Variants in PARP4 observed in about 807,000 individuals in gnomAD.
PARP4 encodes protein mono-ADP-ribosyltransferase PARP4.
A neutral mutation model predicts 187.7 loss-of-function variants in PARP4; 120 were observed. That is an observed-to-expected ratio of 0.64 (90% CI 0.55 to 0.74). PARP4 has a LOEUF of 0.74. Among genes scored for constraint, PARP4 ranks in the 30% least tolerant of loss-of-function variants. The pLI, the probability that PARP4 is intolerant of heterozygous loss-of-function variation, is 0.00. For synonymous variants in PARP4, 654 were observed against 740.9 expected, an observed-to-expected ratio of 0.88 and a Z score of 1.90; for missense variants, 1,836 against 2,070.5, an observed-to-expected ratio of 0.89 and a Z score of 2.20.
At chr13:24,435,501 T>C (rs1369830229) in intron 30 of PARP4, 27 bp from the exon 31 acceptor site, 1 of 1,539,626 alleles carries the variant, frequency 6.5e-7, no homozygotes, top group Non-Finnish European at 8.7e-7. Context: ...ATTATTAACG[T>C]AAGGGGAAAA....
chr13:24,433,459 T>A (rs1456338578), intron 31 of PARP4, among the ~76,000 whole-genome samples: 1 of 152,200 alleles, frequency 6.6e-6, no homozygotes, highest in East Asian at 1.9e-4. Context: ...CCCCAACAAC[T>A]ATTATCACAC....
intron 12 of PARP4, among the ~76,000 whole-genome samples, chr13:24,482,958 AC>A (rs1320049346): frequency 1.3e-5 from 2 of 152,148 alleles, no homozygotes; most frequent in Non-Finnish European, 2.9e-5. Flanking sequence ...GATCCATTCC[AC>A]TGTCGATGGA....
intron 9 of PARP4, among the ~76,000 whole-genome samples, chr13:24,491,740 T>C (rs1483733356): frequency 3.3e-5 from 5 of 150,746 alleles, no homozygotes; most frequent in Non-Finnish European, 7.4e-5. Context: ...GCTTCTCTCC[T>C]GGCAGCTCAG....
chr13:24,500,894 C>G (rs1869237573), intron 3 of PARP4, among the ~76,000 whole-genome samples: 1 of 152,148 alleles, frequency 6.6e-6, no homozygotes, highest in African/African-American at 2.4e-5. Flanking sequence ...TGTCAAGATT[C>G]CAAGGATCAT....
intron 14 of PARP4, among the ~76,000 whole-genome samples, chr13:24,477,260 G>A (rs141945955): frequency 6.0e-4 from 91 of 152,154 alleles, no homozygotes; most frequent in African/African-American, 2.1e-3. Context: ...CAGGAGGATC[G>A]CTTAATGCCA....
At chr13:24,426,105 C>A (rs1056486253) in intron 33 of PARP4, among the ~76,000 whole-genome samples, 16 of 152,086 alleles carry the variant, frequency 1.1e-4, no homozygotes, top group African/African-American at 1.7e-4. Context: ...TATTCTTGTC[C>A]CAGGCCCTGC....
At chr13:24,458,509 C>T (rs2137480635) in intron 20 of PARP4, among the ~76,000 whole-genome samples, 1 of 151,700 alleles carries the variant, frequency 6.6e-6, no homozygotes, top group East Asian at 1.9e-4. Flanking sequence ...CCAAGGAGGT[C>T]AAGGATGAAG....
chr13:24,464,933 TAAACA>T (rs1872381262), intron 17 of PARP4, among the ~76,000 whole-genome samples: 1 of 151,334 alleles, frequency 6.6e-6, no homozygotes, highest in South Asian at 2.1e-4. Context: ...ACAAGGAACT[TAAACA>T]AATTTACAAG....
rs191151841 is a variant in PARP4, at chr13:24,452,659, T to C, written c.2827-66A>G. ...ATGCAGTCACCATTTGCTGTCATCA[T>C]TGACACATCTAAGGACAGTGTAGGG... On this transcript the variant is annotated intron_variant, in intron 23 of 33. Coordinates refer to ENST00000381989, the MANE Select transcript of PARP4 (RefSeq NM_006437.4). 4.1e-4 allele frequency: 527 copies of C among 1,298,178 alleles called. 1 individual carries two copies. In the African/African-American group the frequency reaches 6.7e-3, roughly 16 times the overall value. The allele number at this position is 1,298,178 out of a possible 1,614,324, so 80.4% of individuals were successfully genotyped here.
Position 24,452,547 on chromosome 13 carries a change from C to A in PARP4, c.2873G>T (p.Arg958Leu). ...MGNTDFWKTL[R>L]YLSLLYPARG... ...AGCAGGGTACAATAAGCTAAGATAT[C>A]GGAGTGTTTTCCAGAAGTCTGTGTT... is the stretch of plus-strand genomic sequence containing the variant. Residue 958 changes from arginine to leucine, a missense_variant, in exon 24 of 34, where the codon CGA becomes CTA. Physicochemically the swap from Arg to Leu is moderately radical, Grantham distance 102. Around this residue, in one of 8 missense-constraint regions of PARP4, gnomAD observed 1,147 missense variants for 1,214.2 expected, o/e 0.94. Coordinates refer to ENST00000381989, the MANE Select transcript of PARP4 (RefSeq NM_006437.4). The A allele has an allele frequency of 6.2e-7, 1 of 1,613,986 alleles. No individual in the cohort carries two copies. Among genetic ancestry groups the A allele is most frequent in the Non-Finnish European group, 8.5e-7 (1 of 1,179,928 alleles).
chr13:24,470,145 C>G, intron 15 of PARP4, 120 bp from the exon 16 acceptor site: 1 of 854,704 alleles, frequency 1.2e-6, no homozygotes, highest in Non-Finnish European at 1.7e-6. Context: ...TGTATCACGT[C>G]CCTCAAATTC....
rs1870267241 is a variant in PARP4 at position 24,430,258 on chromosome 13, ACT to A, written c.4846+1117_4846+1118del. 2.0e-5 allele frequency among the ~76,000 whole-genome samples: 3 copies of A among 151,688 alleles called. No homozygotes were observed. In the South Asian group the frequency reaches 6.3e-4, roughly 32 times the overall value. On this transcript the variant is annotated intron_variant, in intron 32 of 33. Transcript: ENST00000381989. ...CACCCACCCAGCCTGGAATATGAAAACTCTGGCATTTTAGAGGTGATGGTGGG... is the reference window on the plus strand; with the variant it reads ...CACCCACCCAGCCTGGAATATGAAAACTGGCATTTTAGAGGTGATGGTGGG...
intron 8 of PARP4, among the ~76,000 whole-genome samples, chr13:24,493,205 C>T (rs1401771195): frequency 6.6e-6 from 1 of 152,168 alleles, no homozygotes; most frequent in Non-Finnish European, 1.5e-5. Context: ...GCCTGCCTTT[C>T]CTAAGACAGA....
intron 27 of PARP4, 73 bp from the exon 28 acceptor site, chr13:24,443,803 T>TA: frequency 1.9e-6 from 2 of 1,045,102 alleles, no homozygotes; most frequent in Non-Finnish European, 3.0e-6. Context: ...AACATCATTT[T>TA]AAAAATGGAG....
chr13:24,454,033 G>A (rs1351416170), intron 22 of PARP4, among the ~76,000 whole-genome samples: 1 of 151,172 alleles, frequency 6.6e-6, no homozygotes, highest in African/African-American at 2.4e-5. Context: ...GGAGGCAGAG[G>A]TTGCAGTGAG....
At chr13:24,423,592 C>T (rs1869865923) in intron 33 of PARP4, among the ~76,000 whole-genome samples, 1 of 151,814 alleles carries the variant, frequency 6.6e-6, no homozygotes, top group Non-Finnish European at 1.5e-5. Flanking sequence ...AATAGAAAAA[C>T]AAAATAAATT....
chr13:24,475,887 T>C (rs1427731207), intron 14 of PARP4, among the ~76,000 whole-genome samples: 8 of 151,942 alleles, frequency 5.3e-5, no homozygotes, highest in Non-Finnish European at 8.8e-5. Context: ...CTGGCTCAGG[T>C]GATCCTCCTG....
rs7338384 is a variant in PARP4, at chr13:24,454,990, G to A, written c.2758+27C>T. ...TGATTCACATGTAGGGGAAGCACAC[G>A]CAGGACCAGGGCCAAAGCGCACTCA... On this transcript the variant is annotated intron_variant, in intron 22 of 33. Transcript: ENST00000381989. 0.2 allele frequency: 307,357 copies of A among 1,529,666 alleles called. 31,904 individuals carry two copies. The highest frequency in any genetic ancestry group is 0.32 in the East Asian group (13,895 of 43,338). 94.8% of individuals were successfully genotyped at this position (1,529,666 alleles called of 1,614,324 possible).
intron 1 of PARP4, among the ~76,000 whole-genome samples, chr13:24,504,409 G>C (rs775446746): frequency 4.1e-5 from 6 of 146,630 alleles, no homozygotes; most frequent in Non-Finnish European, 8.9e-5. Context: ...CGCCTCCCTG[G>C]TTCAAGCGAT....
Sources: allele counts gnomAD v4.1 joint callset (sites outside exome capture counted in the v4.1 genomes callset), GRCh38; gene constraint gnomAD v4.1.1; regional missense constraint gnomAD v4.1.1; transcripts MANE v1.5; gene names NCBI Gene and HGNC (gene_info 2026-07-23, HGNC 2026-07-21).